The following CNTN4 variants were observed in gnomAD, a reference collection of about 807,000 sequenced individuals.
The protein encoded by CNTN4 is contactin-4.
Under a neutral mutation model 122.5 loss-of-function variants are expected in CNTN4, and 77 were observed. The ratio of observed to expected loss-of-function variants is 0.63; its 90% CI spans 0.52 to 0.76. CNTN4 has a LOEUF of 0.76. CNTN4 is among the 30% of genes least tolerant of loss of function. The pLI, the probability that CNTN4 is intolerant of heterozygous loss-of-function variation, is 0.00. For synonymous variants in CNTN4, 512 were observed against 447.0 expected (o/e 1.15, Z -1.83); for missense variants, 1,256 against 1,259.1 (o/e 1.00, Z 0.04).
chr3:2,334,187 T>C (rs2043847072), intron 2 of CNTN4, among the ~76,000 whole-genome samples: 1 of 152,190 alleles, frequency 6.6e-6, no homozygotes, highest in South Asian at 2.1e-4. Flanking sequence ...AGATGGAGTC[T>C]CGCTCTGTCA....
At chr3:2,189,510 A>T (rs1027637772) in intron 2 of CNTN4, among the ~76,000 whole-genome samples, 1 of 152,190 alleles carries the variant, frequency 6.6e-6, no homozygotes, top group African/African-American at 2.4e-5. Flanking sequence ...GATGTCAGAT[A>T]AATGAATCAG....
intron 4 of CNTN4, among the ~76,000 whole-genome samples, chr3:2,661,809 CAAAAAAAAAA>C (rs544079802): frequency 3.8e-5 from 3 of 78,494 alleles, no homozygotes; most frequent in African/African-American, 9.5e-5. Flanking sequence ...AATTCCATCT[CAAAAAAAAAA>C]AAAAAAAAAA....
chr3:2,451,614 G>C lies in CNTN4; in HGVS notation c.-89+112381G>C, dbSNP rs180981555. Among the ~76,000 whole-genome samples the C allele has an allele frequency of 1.1e-4, 16 of 152,008 alleles. No individual in the cohort carries two copies. The East Asian group carries it at 1.7e-3, about 17-fold the overall frequency. On this transcript the variant is annotated intron_variant, in intron 3 of 24. Coordinates refer to ENST00000418658, the MANE Select transcript of CNTN4 (RefSeq NM_175607.3). The stretch of plus-strand genomic sequence containing the variant: ...AATTTTTAATAAATATTAGTTGACT[G>C]TAACCATATAAATGTAGTTATCCTC...
At chr3:2,392,869 C>T (rs564990895) in intron 3 of CNTN4, among the ~76,000 whole-genome samples, 2 of 152,162 alleles carry the variant, frequency 1.3e-5, no homozygotes, top group Admixed American at 6.5e-5. Context: ...AATAGAACAC[C>T]AAAACTCATT....
intron 4 of CNTN4, among the ~76,000 whole-genome samples, chr3:2,702,389 C>G (rs2086405253): frequency 6.6e-6 from 1 of 152,158 alleles, no homozygotes. Flanking sequence ...ATTTTGTAGG[C>G]CTGAGTTAAC....
chr3:2,431,778 A>T (rs1460369145), intron 3 of CNTN4, among the ~76,000 whole-genome samples: 1 of 152,326 alleles, frequency 6.6e-6, no homozygotes, highest in East Asian at 1.9e-4. Flanking sequence ...AAAATCTTAC[A>T]GTTTTCTGGT....
At chr3:2,540,791 T>C (rs1009985227) in intron 3 of CNTN4, among the ~76,000 whole-genome samples, 1 of 152,138 alleles carries the variant, frequency 6.6e-6, no homozygotes, top group African/African-American at 2.4e-5. Flanking sequence ...ATAAAGTAGT[T>C]TAAATCCTGT....
At chr3:2,485,806 T>C (rs2076142595) in intron 3 of CNTN4, among the ~76,000 whole-genome samples, 1 of 152,146 alleles carries the variant, frequency 6.6e-6, no homozygotes, top group Non-Finnish European at 1.5e-5. Flanking sequence ...CTTTTGTGTC[T>C]AGCTCAGGGA....
chr3:2,198,246 C>G (rs894793354), intron 2 of CNTN4, among the ~76,000 whole-genome samples: 2 of 152,114 alleles, frequency 1.3e-5, no homozygotes, highest in Non-Finnish European at 2.9e-5. Context: ...CTTGGTTGCT[C>G]TCAGTTTTAT....
At chr3:2,449,736 A>G (rs1314249049) in intron 3 of CNTN4, among the ~76,000 whole-genome samples, 1 of 152,098 alleles carries the variant, frequency 6.6e-6, no homozygotes, top group Non-Finnish European at 1.5e-5. Context: ...AATGTGGTAT[A>G]TTTATGCAAT....
chr3:2,420,049 T>C (rs1559536297), intron 3 of CNTN4, among the ~76,000 whole-genome samples: 1 of 152,312 alleles, frequency 6.6e-6, no homozygotes, highest in Non-Finnish European at 1.5e-5. Context: ...GGGAATTTGC[T>C]AGAAGTTGTT....
chr3:2,608,070 C>A (rs1161481462), intron 4 of CNTN4, among the ~76,000 whole-genome samples: 3 of 152,060 alleles, frequency 2.0e-5, no homozygotes, highest in Non-Finnish European at 2.9e-5. Flanking sequence ...TCAATAAAAT[C>A]ACAGGAATTT....
intron 2 of CNTN4, among the ~76,000 whole-genome samples, chr3:2,116,290 A>G (rs2033346554): frequency 6.6e-6 from 1 of 152,162 alleles, no homozygotes; most frequent in South Asian, 2.1e-4. Flanking sequence ...TAGACATGTT[A>G]TGAATGTCAC....
chr3:2,896,136 A>G (rs114561719), intron 10 of CNTN4, among the ~76,000 whole-genome samples: 132 of 152,284 alleles, frequency 8.7e-4, no homozygotes, highest in African/African-American at 2.9e-3. Context: ...CAGGCTTCCA[A>G]TCCCCAGACT....
At chr3:2,368,266 T>C (rs140527487) in intron 3 of CNTN4, among the ~76,000 whole-genome samples, 3,970 of 151,696 alleles carry the variant, frequency 0.026, 76 homozygotes, top group Non-Finnish European at 0.043. Flanking sequence ...TCTCCTGACC[T>C]CATGATCCGC....
At chr3:2,474,355 A>T (rs1380356102) in intron 3 of CNTN4, among the ~76,000 whole-genome samples, 1 of 152,212 alleles carries the variant, frequency 6.6e-6, no homozygotes, top group Admixed American at 6.5e-5. Flanking sequence ...ACTTTTGATT[A>T]ATTAGTGAAT....
chr3:2,640,106 G>C (rs1242261516), intron 4 of CNTN4, among the ~76,000 whole-genome samples: 1 of 152,190 alleles, frequency 6.6e-6, no homozygotes, highest in Non-Finnish European at 1.5e-5. Flanking sequence ...TAAAGGATTA[G>C]AAATGAGTAA....
intron 2 of CNTN4, among the ~76,000 whole-genome samples, chr3:2,197,780 C>A (rs558152727): frequency 6.6e-6 from 1 of 152,222 alleles, no homozygotes; most frequent in Admixed American, 6.5e-5. Flanking sequence ...CTTTAGGAGG[C>A]TGAGGCAGTT....
At chr3:2,561,950 G>C (rs1163751979) in intron 3 of CNTN4, among the ~76,000 whole-genome samples, 1 of 152,218 alleles carries the variant, frequency 6.6e-6, no homozygotes, top group Non-Finnish European at 1.5e-5. Flanking sequence ...TTCCATAGGA[G>C]TGGGACAGAG....
Sources: gnomAD v4.1 joint callset for allele counts (sites outside exome capture counted in the v4.1 genomes callset) on GRCh38, gnomAD v4.1.1 for gene constraint, MANE v1.5 for transcripts, NCBI Gene and HGNC (gene_info 2026-07-23, HGNC 2026-07-21) for gene names.